The following ASB3 variants were observed in gnomAD, a reference collection of about 807,000 sequenced individuals.
ASB3 encodes the protein ankyrin repeat and SOCS box containing 3.
Under a neutral mutation model 54.5 loss-of-function variants are expected in ASB3, and 41 were observed. That is an observed-to-expected ratio of 0.75 (90% CI 0.59 to 0.98). The LOEUF (loss-of-function observed/expected upper bound fraction) is 0.98, where lower values mean the gene tolerates loss of function less well. Ranked by LOEUF, ASB3 falls within the 50% of genes least tolerant of loss-of-function variation. The pLI is 0.00. For missense variants in ASB3, 733 were observed against 620.0 expected (o/e 1.18, Z -1.94); for synonymous variants, 266 against 221.2 (o/e 1.20, Z -1.80).
intron 3 of ASB3, among the ~76,000 whole-genome samples, chr2:53,732,430 G>A (rs1671372287): frequency 6.6e-6 from 1 of 152,180 alleles, no homozygotes. Flanking sequence ...CATTATCAGT[G>A]ACTGTTAGCA....
chr2:53,749,383 A>C (rs1467504764), intron 3 of ASB3, among the ~76,000 whole-genome samples: 1 of 152,090 alleles, frequency 6.6e-6, no homozygotes, highest in Non-Finnish European at 1.5e-5. Context: ...AAACCAGTAG[A>C]AAAAAACTTC....
At chr2:53,774,700 T>C in intron 1 of ASB3, 2 of 507,922 alleles carry the variant, frequency 3.9e-6, no homozygotes, top group Non-Finnish European at 6.6e-6. Flanking sequence ...AAAATTCAAA[T>C]TTTAATAACA....
At chr2:53,689,655 C>T (rs926678637) in intron 9 of ASB3, among the ~76,000 whole-genome samples, 3 of 152,152 alleles carry the variant, frequency 2.0e-5, no homozygotes, top group African/African-American at 7.2e-5. Context: ...GAGAAAAGAA[C>T]ATTGCTCAAA....
intron 1 of ASB3, chr2:53,767,815 G>A (rs116046099): frequency 7.8e-6 from 12 of 1,531,556 alleles, no homozygotes; most frequent in African/African-American, 2.7e-5. Flanking sequence ...CTCGCTTACC[G>A]GAGGCTTCAG....
intron 7 of ASB3, among the ~76,000 whole-genome samples, chr2:53,706,259 T>C (rs576842997): frequency 6.6e-6 from 1 of 152,328 alleles, no homozygotes; most frequent in Admixed American, 6.5e-5. Context: ...TGAGGAAGAC[T>C]AACATATAAT....
intron 5 of ASB3, among the ~76,000 whole-genome samples, chr2:53,727,622 C>G (rs1348244645): frequency 6.6e-6 from 1 of 152,174 alleles, no homozygotes; most frequent in East Asian, 1.9e-4. Context: ...GGTGATGGAG[C>G]AAGGCCTGGC....
chr2:53,722,634 G>C (rs1422662929), intron 5 of ASB3, among the ~76,000 whole-genome samples: 1 of 152,036 alleles, frequency 6.6e-6, no homozygotes, highest in Non-Finnish European at 1.5e-5. Context: ...ATCCCTTCAT[G>C]ATAAAAACAA....
At chr2:53,706,165 T>C (rs1023485012) in intron 7 of ASB3, among the ~76,000 whole-genome samples, 1 of 152,138 alleles carries the variant, frequency 6.6e-6, no homozygotes, top group Non-Finnish European at 1.5e-5. Context: ...TGAAGTGAAA[T>C]ACCCAAAGTC....
chr2:53,749,204 T>A (rs998452124), intron 3 of ASB3, among the ~76,000 whole-genome samples: 11 of 151,994 alleles, frequency 7.2e-5, no homozygotes, highest in Non-Finnish European at 1.3e-4. Flanking sequence ...GAATAGATGC[T>A]CAACATCATT....
At chr2:53,703,192 T>A (rs1354254347) in intron 7 of ASB3, among the ~76,000 whole-genome samples, 1 of 152,226 alleles carries the variant, frequency 6.6e-6, no homozygotes, top group Non-Finnish European at 1.5e-5. Flanking sequence ...TTTGGAGGAA[T>A]CTTTTTCTTA....
At position 53,729,416 on chromosome 2, in the gene ASB3, A is replaced by C. The variant is rs764341205; in HGVS notation, c.468+42T>G. 97 of 1,602,458 alleles carry C rather than the reference A, an allele frequency of 6.1e-5. No homozygotes were observed. The East Asian group carries it at 2.1e-3, about 35-fold the overall frequency. ...GACTGTCATTTTAAGAGGGTAAAAC[A>C]CACAATTTACATGGAAATGAAATAA... is the stretch of plus-strand genomic sequence containing the variant. On this transcript the variant is annotated intron_variant, in intron 4 of 9. Coordinates refer to ENST00000263634, the MANE Select transcript of ASB3 (RefSeq NM_016115.5).
At chr2:53,702,573 C>A (rs1312897459) in intron 7 of ASB3, among the ~76,000 whole-genome samples, 1 of 152,202 alleles carries the variant, frequency 6.6e-6, no homozygotes, top group East Asian at 1.9e-4. Context: ...TCTTGTTTAA[C>A]ATAAATATCA....
chr2:53,769,373 G>T (rs1263383365), intron 1 of ASB3, among the ~76,000 whole-genome samples: 1 of 152,170 alleles, frequency 6.6e-6, no homozygotes, highest in Non-Finnish European at 1.5e-5. Flanking sequence ...CTTTAGCCCA[G>T]GCTCCAATTA....
chr2:53,705,093 T>A (rs1226435969), intron 7 of ASB3, among the ~76,000 whole-genome samples: 1 of 152,196 alleles, frequency 6.6e-6, no homozygotes, highest in South Asian at 2.1e-4. Context: ...GTTTGCTATG[T>A]TCTATTTTAT....
At chr2:53,745,907 G>A (rs1001055098) in intron 3 of ASB3, among the ~76,000 whole-genome samples, 2 of 152,122 alleles carry the variant, frequency 1.3e-5, no homozygotes, top group African/African-American at 4.8e-5. Flanking sequence ...GAAATTATTT[G>A]TAGTTTGATA....
chr2:53,757,343 C>T (rs538588594), intron 2 of ASB3, among the ~76,000 whole-genome samples: 31 of 152,328 alleles, frequency 2.0e-4, no homozygotes, highest in Admixed American at 1.6e-3. Context: ...CTTCTGCTTT[C>T]AATTTTCCTG....
At chr2:53,774,549 C>T (rs1343411971) in intron 1 of ASB3, 3 of 1,473,012 alleles carry the variant, frequency 2.0e-6, no homozygotes, top group Non-Finnish European at 2.7e-6. Context: ...GAATTAACTT[C>T]AGTGCACAAT....
At chr2:53,730,623 C>T (rs1375776789) in intron 3 of ASB3, among the ~76,000 whole-genome samples, 2 of 152,068 alleles carry the variant, frequency 1.3e-5, no homozygotes, top group Admixed American at 6.6e-5. Flanking sequence ...ATCACCATAC[C>T]GCTTTCCACA....
intron 1 of ASB3, among the ~76,000 whole-genome samples, chr2:53,782,993 C>T (rs1299260778): frequency 1.3e-5 from 2 of 151,972 alleles, no homozygotes; most frequent in Non-Finnish European, 2.9e-5. Flanking sequence ...ACCATGTTGG[C>T]CAGGCTGGTC....
Sources: allele counts gnomAD v4.1 joint callset (sites outside exome capture counted in the v4.1 genomes callset), GRCh38; gene constraint gnomAD v4.1.1; transcripts MANE v1.5; gene names NCBI Gene and HGNC (gene_info 2026-07-23, HGNC 2026-07-21).